Variants in ZNRF3 observed in about 807,000 individuals in gnomAD.
ZNRF3 encodes E3 ubiquitin-protein ligase ZNRF3.
ZNRF3 carries 23 observed loss-of-function variants against 72.5 expected under a neutral mutation model. The ratio of observed to expected loss-of-function variants is 0.32; its 90% CI spans 0.23 to 0.45. The LOEUF is 0.45. Among genes scored for constraint, ZNRF3 ranks in the 20% least tolerant of loss-of-function variants. ZNRF3 has a pLI of 1.00. For synonymous variants in ZNRF3, 610 were observed against 545.3 expected (o/e 1.12, Z -1.65); for missense variants, 1,169 against 1,272.1 (o/e 0.92, Z 1.23).
chr22:29,039,096 C>T (rs1360308327), intron 2 of ZNRF3, among the ~76,000 whole-genome samples: 1 of 152,180 alleles, frequency 6.6e-6, no homozygotes, highest in African/African-American at 2.4e-5. Context: ...GCCCTCTTCA[C>T]TGTAAAAACC....
intron 3 of ZNRF3, 40 bp from the exon 4 acceptor site, chr22:29,043,259 T>C (rs1320017327): frequency 6.2e-7 from 1 of 1,604,164 alleles, no homozygotes; most frequent in Admixed American, 1.7e-5. Context: ...CTTCTTAAAG[T>C]AAGCGCACCT....
At chr22:28,903,336 T>A (rs1429262069) in intron 1 of ZNRF3, among the ~76,000 whole-genome samples, 3 of 152,122 alleles carry the variant, frequency 2.0e-5, no homozygotes, top group African/African-American at 7.2e-5. Context: ...GAAAGGAGGG[T>A]GCTGATTGCT....
Position 28,895,902 on chromosome 22 carries a change from A to T in ZNRF3, c.300+11836A>T, listed in dbSNP as rs184359785. Among the ~76,000 whole-genome samples, 680 of 152,044 alleles carry T rather than the reference A, an allele frequency of 4.5e-3. 6 individuals are homozygous for T. The highest frequency in any genetic ancestry group is 6.6e-3 in the Non-Finnish European group (452 of 67,982). ...ACTTTCACTTACAGTATCTTAGTTC[A>T]TCCTCTCATTTGGGAGTGCCTTTTC... On this transcript the variant is annotated intron_variant, in intron 1 of 8. Transcript: ENST00000544604.
At chr22:29,040,641 A>G (rs2036945160) in intron 2 of ZNRF3, among the ~76,000 whole-genome samples, 1 of 152,188 alleles carries the variant, frequency 6.6e-6, no homozygotes, top group South Asian at 2.1e-4. Flanking sequence ...TGGTGATGAA[A>G]CAGGGTGTGG....
intron 2 of ZNRF3, among the ~76,000 whole-genome samples, chr22:29,001,270 C>G (rs1026329396): frequency 6.6e-6 from 1 of 151,424 alleles, no homozygotes; most frequent in African/African-American, 2.4e-5. Context: ...AGGGTTTCAC[C>G]ATGTTAACCA....
chr22:28,889,715 GA>G lies in ZNRF3; in HGVS notation c.300+5651del, dbSNP rs1246589011. On this transcript the variant is annotated intron_variant, in intron 1 of 8. Coordinates refer to ENST00000544604, the MANE Select transcript of ZNRF3 (RefSeq NM_001206998.2). ...TGTGCACTGCGCAGCATCCTTGGGA[GA>G]AGAGAGAATATAGTCACTCAAAGAC... is the stretch of plus-strand genomic sequence containing the variant. Among the ~76,000 whole-genome samples the G allele has an allele frequency of 6.6e-5, 10 of 152,354 alleles. No homozygotes were observed. The East Asian group carries it at 1.9e-3, about 29-fold the overall frequency.
intron 2 of ZNRF3, chr22:29,025,218 G>A (rs143129097): frequency 0.026 from 3,928 of 152,110 alleles, 82 homozygotes; most frequent in African/African-American, 0.057. Context: ...CTGACCTCAA[G>A]TGATCCACCC....
chr22:28,966,634 TAAA>T (rs982201875), intron 1 of ZNRF3, among the ~76,000 whole-genome samples: 1 of 147,078 alleles, frequency 6.8e-6, no homozygotes, highest in Non-Finnish European at 1.5e-5. Context: ...TTTAAAAAAG[TAAA>T]AAAAAAAGTT....
intron 4 of ZNRF3, 119 bp downstream of exon 4, chr22:29,043,549 T>C: frequency 1.5e-6 from 2 of 1,321,258 alleles, no homozygotes; most frequent in Non-Finnish European, 2.1e-6. Flanking sequence ...CCCAGGTTCC[T>C]GCAGGCTTAG....
chr22:28,890,559 T>C (rs1466971917), intron 1 of ZNRF3, among the ~76,000 whole-genome samples: 1 of 152,108 alleles, frequency 6.6e-6, no homozygotes, highest in Non-Finnish European at 1.5e-5. Flanking sequence ...GCAGGGTACC[T>C]GGCATAAGAA....
chr22:29,053,545 C>T (rs1304025901), intron 8 of ZNRF3, 34 bp from the exon 9 acceptor site: 1 of 1,611,790 alleles, frequency 6.2e-7, no homozygotes, highest in Non-Finnish European at 8.5e-7. Flanking sequence ...GGTGCCAGCT[C>T]CCTCCCCTGA....
Position 29,050,900 on chromosome 22 carries a change from GC to G in ZNRF3, c.2722del (p.Leu908SerfsTer48). The stretch of plus-strand genomic sequence containing the variant: ...TGCTGTCAGGGCCAACTTCCCTAGT[GC>G]CCTCCAGGACACTCAGGAGTCCAGC... Reference protein sequence around the residue: ...AGAVRANFPSALQDTQESSTT... With the variant: ...AGAVRANFPSXLQDTQESSTT... On this transcript the variant is annotated frameshift_variant, in exon 8 of 9. Coordinates refer to ENST00000544604, the MANE Select transcript of ZNRF3 (RefSeq NM_001206998.2). LOFTEE classifies it high-confidence loss of function. 6.4e-7 allele frequency: 1 copy of G among 1,572,654 alleles called. No homozygotes were observed.
intron 2 of ZNRF3, among the ~76,000 whole-genome samples, chr22:29,034,023 G>A (rs572460660): frequency 6.6e-6 from 1 of 152,328 alleles, no homozygotes; most frequent in Non-Finnish European, 1.5e-5. Flanking sequence ...TTCTCCATGA[G>A]CATGGTTTCT....
At chr22:28,941,825 C>A (rs1022123465) in intron 1 of ZNRF3, among the ~76,000 whole-genome samples, 1 of 152,074 alleles carries the variant, frequency 6.6e-6, no homozygotes, top group Non-Finnish European at 1.5e-5. Context: ...GTGGGAGAAT[C>A]TCTTGAACCC....
chr22:29,034,566 G>T lies in ZNRF3; in HGVS notation c.427-7929G>T, dbSNP rs539703823. On this transcript the variant is annotated intron_variant, in intron 2 of 8. Coordinates refer to ENST00000544604, the MANE Select transcript of ZNRF3 (RefSeq NM_001206998.2). Reference sequence around the variant, plus strand: ...GTTTGGGATGCTGGGTAAAATAGGAGCCTCTAGCATGTTAGTGATGTATAT... The same window carrying T: ...GTTTGGGATGCTGGGTAAAATAGGATCCTCTAGCATGTTAGTGATGTATAT... Among the ~76,000 whole-genome samples, 6 of 152,306 alleles carry T rather than the reference G, an allele frequency of 3.9e-5. No homozygotes were observed. The South Asian group carries it at 1.2e-3, about 32-fold the overall frequency.
intron 2 of ZNRF3, among the ~76,000 whole-genome samples, chr22:29,040,225 G>A (rs2123879489): frequency 6.6e-6 from 1 of 151,964 alleles, no homozygotes; most frequent in South Asian, 2.1e-4. Context: ...TGTCGCCCAG[G>A]CTGGAGTGCC....
At chr22:29,002,537 A>G (rs540984024) in intron 2 of ZNRF3, among the ~76,000 whole-genome samples, 2 of 152,360 alleles carry the variant, frequency 1.3e-5, no homozygotes, top group South Asian at 4.1e-4. Flanking sequence ...AACAACTCCA[A>G]GTTCCATTTT....
At chr22:28,998,456 T>C (rs904874426) in intron 2 of ZNRF3, among the ~76,000 whole-genome samples, 1 of 152,196 alleles carries the variant, frequency 6.6e-6, no homozygotes, top group Non-Finnish European at 1.5e-5. Flanking sequence ...GCTCTTCATA[T>C]TTATTTTAAG....
At chr22:28,912,918 G>A (rs775317534) in intron 1 of ZNRF3, among the ~76,000 whole-genome samples, 1 of 151,364 alleles carries the variant, frequency 6.6e-6, no homozygotes, top group Non-Finnish European at 1.5e-5. Flanking sequence ...CACCCATCTC[G>A]GCCTCCCAAA....
Sources: gnomAD v4.1 joint callset for allele counts (sites outside exome capture counted in the v4.1 genomes callset) on GRCh38, gnomAD v4.1.1 for gene constraint, MANE v1.5 for transcripts, NCBI Gene and HGNC (gene_info 2026-07-23, HGNC 2026-07-21) for gene names.